Variants in PLSCR1 observed in about 807,000 individuals in gnomAD.
PLSCR1 encodes the protein PL scramblase 1.
A neutral mutation model predicts 37.8 loss-of-function variants in PLSCR1; 17 were observed. The observed-to-expected ratio is 0.45, with a 90% CI of 0.31 to 0.68. The LOEUF (loss-of-function observed/expected upper bound fraction) is 0.68, where lower values mean the gene tolerates loss of function less well. Ranked by LOEUF, PLSCR1 falls within the 30% of genes least tolerant of loss-of-function variation. The pLI, the probability that PLSCR1 is intolerant of heterozygous loss-of-function variation, is 0.06. For synonymous variants in PLSCR1, 116 were observed against 125.9 expected (o/e 0.92, Z 0.53); for missense variants, 347 against 380.9 (o/e 0.91, Z 0.74).
intron 1 of PLSCR1, chr3:146,538,185 C>G (rs935373594): frequency 6.6e-6 from 1 of 152,152 alleles, no homozygotes; most frequent in East Asian, 1.9e-4. Flanking sequence ...AAAATTTATA[C>G]TTTTCTGCTG....
At chr3:146,518,740 G>A (rs1360513117) in intron 7 of PLSCR1, among the ~76,000 whole-genome samples, 2 of 152,056 alleles carry the variant, frequency 1.3e-5, no homozygotes, top group African/African-American at 2.4e-5. Context: ...GCAAGGATAA[G>A]AAATGCAAAT....
At chr3:146,534,659 C>T (rs2044242574) in intron 2 of PLSCR1, among the ~76,000 whole-genome samples, 1 of 151,998 alleles carries the variant, frequency 6.6e-6, no homozygotes, top group African/African-American at 2.4e-5. Flanking sequence ...AAAAAAACCG[C>T]TCTCCTACTC....
rs2043938709 is a variant in PLSCR1, at chr3:146,515,855, G to A, written c.*190C>T. The A allele has an allele frequency of 2.4e-6, 1 of 410,210 alleles. No individual in the cohort carries two copies. The highest frequency in any genetic ancestry group is 4.4e-5 in the Admixed American group (1 of 22,782). The allele number at this position is 410,210 out of a possible 1,614,324, so 25.4% of individuals were successfully genotyped here. A position where few individuals can be genotyped will look rare whatever the true frequency, so the allele number is the denominator to read the frequency against. On this transcript the variant is annotated 3_prime_UTR_variant, in exon 9 of 9. Transcript: ENST00000342435. ...ACTCATATGTCCTTTTTCTCAAATT[G>A]ACAATGAGTATTAAAAAATGTACAA...
chr3:146,523,079 G>T (rs148475867), intron 5 of PLSCR1, among the ~76,000 whole-genome samples: 1 of 152,000 alleles, frequency 6.6e-6, no homozygotes, highest in Non-Finnish European at 1.5e-5. Context: ...CTCAGAGGCC[G>T]GTGCTGGCGC....
chr3:146,518,458 T>C (rs913281226), intron 7 of PLSCR1, among the ~76,000 whole-genome samples: 5 of 152,240 alleles, frequency 3.3e-5, no homozygotes, highest in Non-Finnish European at 7.4e-5. Flanking sequence ...TTATGTGTAA[T>C]GAAATACTAC....
intron 1 of PLSCR1, among the ~76,000 whole-genome samples, chr3:146,541,777 G>A (rs1466100276): frequency 6.6e-6 from 1 of 152,210 alleles, no homozygotes; most frequent in South Asian, 2.1e-4. Flanking sequence ...GTGTTGGGAG[G>A]TGGAGCCTAA....
intron 4 of PLSCR1, among the ~76,000 whole-genome samples, chr3:146,526,209 G>GAA (rs1022411863): frequency 8.6e-6 from 1 of 116,670 alleles, no homozygotes; most frequent in Admixed American, 8.6e-5. Flanking sequence ...AAAAAAGAAA[G>GAA]AAAAAAAAAA....
At position 146,516,049 on chromosome 3, in the gene PLSCR1, C is replaced by A. The variant is rs774335400; in HGVS notation, c.953G>T (p.Trp318Leu). Residue 318 changes from tryptophan (W) to leucine (L), a missense_variant, in exon 9 of 9, where the codon TGG (tryptophan) becomes TTG (leucine). Trp to Leu is a moderately conservative substitution (Grantham distance 61). Coordinates refer to ENST00000342435, the MANE Select transcript of PLSCR1 (RefSeq NM_021105.3). Reference protein sequence around the residue: ...TGSQEQKSGVW With the variant: ...TGSQEQKSGVL ...GAGGAGACTTTCACTAATCCACTAC[C>A]ACACTCCTGATTTTTGTTCCTGGCT... 115 of 1,603,542 alleles carry A rather than the reference C, an allele frequency of 7.2e-5. No homozygotes were observed. Among genetic ancestry groups the A allele is most frequent in the Non-Finnish European group, 9.6e-5 (113 of 1,171,492 alleles).
chr3:146,517,207 CTT>C, intron 7 of PLSCR1, 40 bp from the exon 8 acceptor site: 1 of 1,197,736 alleles, frequency 8.3e-7, no homozygotes. Flanking sequence ...TTTTAGGAAA[CTT>C]ATAGCAAAAG....
Position 146,521,867 on chromosome 3 carries a change from C to T in PLSCR1, c.542G>A (p.Cys181Tyr). The change falls in exon 6 of 9, where the codon TGT (cysteine) becomes TAT (tyrosine). Residue 181 changes from cysteine to tyrosine, a missense_variant. Coordinates refer to ENST00000342435, the MANE Select transcript of PLSCR1 (RefSeq NM_021105.3). ...GCAGCAGGGACAACAACAGCTGCTA[C>T]ATCTTAGTGGTCTCTCCAGAGTTAT... is the stretch of plus-strand genomic sequence containing the variant. ...EVITLERPLR[C>Y]SSCCCPCCLQ... 1 of 1,613,864 alleles carries T rather than the reference C, an allele frequency of 6.2e-7. No homozygotes were observed. Among genetic ancestry groups the T allele is most frequent in the South Asian group, 1.1e-5 (1 of 91,066 alleles).
At chr3:146,532,105 A>G (rs114743749) in intron 3 of PLSCR1, among the ~76,000 whole-genome samples, 1,945 of 152,286 alleles carry the variant, frequency 0.013, 15 homozygotes, top group Middle Eastern at 0.031. Context: ...GCTATATGTA[A>G]TCTTGGACTT....
At chr3:146,543,392 C>T (rs940590252) in intron 1 of PLSCR1, among the ~76,000 whole-genome samples, 1 of 152,186 alleles carries the variant, frequency 6.6e-6, no homozygotes, top group Non-Finnish European at 1.5e-5. Context: ...TTCATTTCCC[C>T]GCATTTTCTC....
chr3:146,524,050 CAG>C (rs1487047800), intron 5 of PLSCR1, among the ~76,000 whole-genome samples: 1 of 152,168 alleles, frequency 6.6e-6, no homozygotes, highest in Non-Finnish European at 1.5e-5. Context: ...TGGTGGGACA[CAG>C]ACAGACCCTG....
chr3:146,538,453 T>C (rs1472293662), intron 1 of PLSCR1, among the ~76,000 whole-genome samples: 1 of 152,164 alleles, frequency 6.6e-6, no homozygotes, highest in Non-Finnish European at 1.5e-5. Flanking sequence ...TAGAAGTAGG[T>C]AGTATCCTTT....
intron 7 of PLSCR1, among the ~76,000 whole-genome samples, chr3:146,519,446 T>C (rs58807541): frequency 0.21 from 31,759 of 151,804 alleles, 3,396 homozygotes; most frequent in South Asian, 0.26. Context: ...GGTATGTCAG[T>C]TTCATGTGGC....
At chr3:146,538,452 G>T (rs1236080587) in intron 1 of PLSCR1, among the ~76,000 whole-genome samples, 1 of 152,046 alleles carries the variant, frequency 6.6e-6, no homozygotes, top group Non-Finnish European at 1.5e-5. Context: ...TTAGAAGTAG[G>T]TAGTATCCTT....
At chr3:146,536,329 G>T (rs2587021) in intron 2 of PLSCR1, among the ~76,000 whole-genome samples, 45,474 of 151,942 alleles carry the variant, frequency 0.3, 6,904 homozygotes, top group African/African-American at 0.32. Flanking sequence ...AAAGGCTTTC[G>T]TATTTTTAAT....
chr3:146,534,027 T>C (rs1199965045), intron 2 of PLSCR1, among the ~76,000 whole-genome samples: 2 of 152,158 alleles, frequency 1.3e-5, no homozygotes, highest in African/African-American at 4.8e-5. Context: ...ATGTTATGCT[T>C]ACTCTGGAAC....
At chr3:146,538,764 A>G (rs749102743) in intron 1 of PLSCR1, among the ~76,000 whole-genome samples, 2 of 152,120 alleles carry the variant, frequency 1.3e-5, no homozygotes, top group Non-Finnish European at 2.9e-5. Flanking sequence ...AAAAAAATTC[A>G]TAGTTTCTGG....
Sources: allele counts gnomAD v4.1 joint callset (sites outside exome capture counted in the v4.1 genomes callset), GRCh38; gene constraint gnomAD v4.1.1; transcripts MANE v1.5; gene names NCBI Gene and HGNC (gene_info 2026-07-23, HGNC 2026-07-21).